Variants in SERGEF observed in about 807,000 individuals in gnomAD.
SERGEF encodes the protein secretion-regulating guanine nucleotide exchange factor.
SERGEF carries 51 observed loss-of-function variants against 50.0 expected under a neutral mutation model. The observed-to-expected ratio is 1.02, with a 90% CI of 0.81 to 1.29. The LOEUF is 1.29. SERGEF is among the 50% of genes most tolerant of loss of function. The pLI, the probability that SERGEF is intolerant of heterozygous loss-of-function variation, is 0.00. For missense variants in SERGEF, 521 were observed against 557.0 expected, an observed-to-expected ratio of 0.94 and a Z score of 0.65; for synonymous variants, 205 against 212.4, an observed-to-expected ratio of 0.97 and a Z score of 0.30.
At chr11:17,955,622 T>C (rs1852853098) in intron 9 of SERGEF, among the ~76,000 whole-genome samples, 1 of 152,186 alleles carries the variant, frequency 6.6e-6, no homozygotes, top group Non-Finnish European at 1.5e-5. Flanking sequence ...CTGCAAGTTC[T>C]GGGAAGACCA....
At chr11:17,919,515 T>C (rs1565204864) in intron 9 of SERGEF, among the ~76,000 whole-genome samples, 2 of 152,138 alleles carry the variant, frequency 1.3e-5, no homozygotes, top group African/African-American at 4.8e-5. Flanking sequence ...AAAGTCTCAC[T>C]GAAGTTTGGA....
At chr11:17,867,133 G>A (rs2133888349) in intron 10 of SERGEF, among the ~76,000 whole-genome samples, 1 of 152,274 alleles carries the variant, frequency 6.6e-6, no homozygotes, top group African/African-American at 2.4e-5. Flanking sequence ...GTGTCCTAAA[G>A]TCTTAATTCA....
At chr11:17,935,484 A>G (rs1852433474) in intron 9 of SERGEF, among the ~76,000 whole-genome samples, 1 of 152,176 alleles carries the variant, frequency 6.6e-6, no homozygotes, top group Admixed American at 6.6e-5. Context: ...AACAAAACAA[A>G]AACACCAAAA....
chr11:17,975,768 T>C (rs1355237283), intron 8 of SERGEF, among the ~76,000 whole-genome samples: 1 of 152,142 alleles, frequency 6.6e-6, no homozygotes, highest in African/African-American at 2.4e-5. Context: ...CCTCCACTAC[T>C]CACAGAGTAA....
intron 9 of SERGEF, among the ~76,000 whole-genome samples, chr11:17,942,470 C>G (rs1476581142): frequency 1.3e-5 from 2 of 151,890 alleles, no homozygotes; most frequent in Non-Finnish European, 2.9e-5. Flanking sequence ...TGATTTTGTA[C>G]CTTGCTAAAT....
At position 17,897,062 on chromosome 11, in the gene SERGEF, G is replaced by A. The variant is rs922420313; in HGVS notation, c.1012-18818C>T. Among the ~76,000 whole-genome samples, 112 of 152,308 alleles carry A rather than the reference G, an allele frequency of 7.4e-4. 1 individual carries two copies. The highest frequency in any genetic ancestry group is 1.9e-4 in the Non-Finnish European group (13 of 68,022). On this transcript the variant is annotated intron_variant, in intron 9 of 10. Transcript: ENST00000265965. ...CAATCACACGTGCCCTTTAAAAGCT[G>A]AGAGTTTTCTCTGGCTGATGGCAGA...
chr11:18,002,289 A>G (rs1853979026), intron 4 of SERGEF, among the ~76,000 whole-genome samples: 2 of 152,134 alleles, frequency 1.3e-5, no homozygotes, highest in South Asian at 2.1e-4. Context: ...TTGGATTGTT[A>G]GCAAGAGTTT....
Position 18,007,958 on chromosome 11 carries a change from T to C in SERGEF, c.179A>G (p.His60Arg). Residue 60 changes from histidine (H) to arginine (R), a missense_variant, in exon 2 of 11, where the codon CAC becomes CGC. His to Arg is a conservative substitution (Grantham distance 29, BLOSUM62 0). Transcript: ENST00000265965. ...SVRRITGGGG[H>R]SAVVTDGGDL... ...GAAATTACCTGTGACAACTGCAGAGTGGCCCCCTCCTCCTGTGATCCTCCT... is the reference window on the plus strand; with the variant it reads ...GAAATTACCTGTGACAACTGCAGAGCGGCCCCCTCCTCCTGTGATCCTCCT... The C allele has an allele frequency of 3.7e-6, 6 of 1,613,540 alleles. No homozygotes were observed. The highest frequency in any genetic ancestry group is 5.1e-6 in the Non-Finnish European group (6 of 1,179,744).
intron 10 of SERGEF, among the ~76,000 whole-genome samples, chr11:17,837,265 CTGAG>C (rs1424518046): frequency 2.6e-5 from 4 of 152,146 alleles, no homozygotes; most frequent in African/African-American, 9.6e-5. Flanking sequence ...CAGGGTCTGG[CTGAG>C]TAAGTGATAA....
In SERGEF at chr11:17,988,644, T is replaced by G; in HGVS notation, c.797A>C (p.Lys266Thr). ...KIEAHCFQNE[K>T]VTAIWSGWTH... ...CCATCCACTCCAGATGGCAGTGACC[T>G]TTTCATTCTGGAAACAATGTGCTTC... Residue 266 changes from lysine (K) to threonine (T), a missense_variant, in exon 8 of 11, where the codon AAG (lysine) becomes ACG (threonine). By Grantham distance (78) the Lys-to-Thr change is moderately conservative (BLOSUM62 -1). Coordinates refer to ENST00000265965, the MANE Select transcript of SERGEF (RefSeq NM_012139.4). The G allele has an allele frequency of 6.2e-7, 1 of 1,614,102 alleles. No individual in the cohort carries two copies. The highest frequency in any genetic ancestry group is 1.7e-5 in the Admixed American group (1 of 60,006).
chr11:17,986,018 T>C (rs1853587562), intron 8 of SERGEF, among the ~76,000 whole-genome samples: 1 of 152,194 alleles, frequency 6.6e-6, no homozygotes, highest in Non-Finnish European at 1.5e-5. Flanking sequence ...ACACAACTAA[T>C]GCCTCCCAGA....
intron 10 of SERGEF, among the ~76,000 whole-genome samples, chr11:17,820,718 G>A (rs1030501362): frequency 2.0e-5 from 3 of 152,138 alleles, no homozygotes; most frequent in African/African-American, 4.8e-5. Context: ...ATGGAAAAAG[G>A]GTCTTTGCAC....
intron 10 of SERGEF, among the ~76,000 whole-genome samples, chr11:17,818,316 C>T (rs1461964551): frequency 2.0e-5 from 3 of 151,878 alleles, no homozygotes; most frequent in African/African-American, 7.3e-5. Flanking sequence ...GTCTGTAAAA[C>T]AAGAAAACAA....
intron 10 of SERGEF, among the ~76,000 whole-genome samples, chr11:17,828,236 G>T (rs902655923): frequency 2.6e-5 from 4 of 152,216 alleles, no homozygotes; most frequent in Non-Finnish European, 5.9e-5. Flanking sequence ...GTGTGTGTTT[G>T]TGGCCTCTTT....
chr11:17,833,284 T>C (rs556210287), intron 10 of SERGEF, among the ~76,000 whole-genome samples: 3 of 152,298 alleles, frequency 2.0e-5, no homozygotes, highest in Non-Finnish European at 4.4e-5. Flanking sequence ...ACCTCAAACC[T>C]TGGCAGCTTC....
intron 8 of SERGEF, 58 bp from the exon 9 acceptor site, chr11:17,959,694 A>G: frequency 7.0e-7 from 1 of 1,431,204 alleles, no homozygotes; most frequent in Non-Finnish European, 9.5e-7. Context: ...TCTCATGGGT[A>G]GGCAATGAAT....
intron 10 of SERGEF, among the ~76,000 whole-genome samples, chr11:17,848,752 A>G (rs1382699439): frequency 6.6e-6 from 1 of 152,178 alleles, no homozygotes; most frequent in African/African-American, 2.4e-5. Flanking sequence ...GTTTTTTTCC[A>G]TATTTAAGAT....
chr11:17,974,214 G>A (rs1853318981), intron 8 of SERGEF, among the ~76,000 whole-genome samples: 2 of 152,140 alleles, frequency 1.3e-5, no homozygotes, highest in Admixed American at 1.3e-4. Flanking sequence ...TCAGGCCCCA[G>A]AATACAAACA....
At chr11:17,908,010 C>A (rs943486177) in intron 9 of SERGEF, among the ~76,000 whole-genome samples, 6 of 152,180 alleles carry the variant, frequency 3.9e-5, no homozygotes, top group Admixed American at 2.6e-4. Flanking sequence ...TCCATTATTG[C>A]TGCCATAACC....
Sources: gnomAD v4.1 joint callset for allele counts (sites outside exome capture counted in the v4.1 genomes callset) on GRCh38, gnomAD v4.1.1 for gene constraint, MANE v1.5 for transcripts, NCBI Gene and HGNC (gene_info 2026-07-23, HGNC 2026-07-21) for gene names.